Variants in SOCS5 observed in about 807,000 individuals in gnomAD.
The protein encoded by SOCS5 is suppressor of cytokine signaling 5.
A neutral mutation model predicts 42.8 loss-of-function variants in SOCS5; 32 were observed. The ratio of observed to expected loss-of-function variants is 0.75; its 90% CI spans 0.56 to 1.01. The LOEUF (loss-of-function observed/expected upper bound fraction) is 1.01. Ranked by LOEUF, SOCS5 falls within the 50% of genes least tolerant of loss-of-function variation. The probability of loss-of-function intolerance (pLI) is 0.00; values close to 1 mark genes in which losing one functional copy is unlikely to be tolerated. For synonymous variants in SOCS5, 283 were observed against 229.6 expected, an observed-to-expected ratio of 1.23 and a Z score of -2.10; for missense variants, 627 against 653.0, an observed-to-expected ratio of 0.96 and a Z score of 0.43.
At chr2:46,751,911 A>T (rs1010575288) in intron 1 of SOCS5, among the ~76,000 whole-genome samples, 1 of 152,238 alleles carries the variant, frequency 6.6e-6, no homozygotes, top group Non-Finnish European at 1.5e-5. Context: ...CAGAAGAATA[A>T]TATTTTGTGA....
rs911464757 is a variant in SOCS5 at position 46,699,657 on chromosome 2, T to A, written c.-13+208T>A. 6.6e-6 allele frequency among the ~76,000 whole-genome samples: 1 copy of A among 152,130 alleles called. No individual in the cohort carries two copies. The highest frequency in any genetic ancestry group is 1.5e-5 in the Non-Finnish European group (1 of 68,006). On this transcript the variant is annotated intron_variant, in intron 1 of 1. Coordinates refer to ENST00000394861, the MANE Select transcript of SOCS5 (RefSeq NM_144949.3). The surrounding 1 kb of genome is among the most constrained non-coding windows in gnomAD (Gnocchi z 4.8). ...CTGCTAGCCCGGGCCGCGAGCCCCGTGCAGACCACGCCGCTCACAGTGGGA... is the reference window on the plus strand; with the variant it reads ...CTGCTAGCCCGGGCCGCGAGCCCCGAGCAGACCACGCCGCTCACAGTGGGA...
chr2:46,750,536 C>T (rs1360071206), intron 1 of SOCS5, among the ~76,000 whole-genome samples: 1 of 152,026 alleles, frequency 6.6e-6, no homozygotes, highest in Non-Finnish European at 1.5e-5. Flanking sequence ...AACTCCATCC[C>T]TTGAAATTAG....
intron 1 of SOCS5, among the ~76,000 whole-genome samples, chr2:46,726,332 G>C (rs982470911): frequency 2.0e-5 from 3 of 152,018 alleles, no homozygotes; most frequent in African/African-American, 4.8e-5. Context: ...TCCTAACCTT[G>C]TGATCCACCC....
chr2:46,741,169 C>A (rs776256155), intron 1 of SOCS5, among the ~76,000 whole-genome samples: 11 of 152,130 alleles, frequency 7.2e-5, no homozygotes, highest in Non-Finnish European at 1.5e-4. Context: ...TTATTCATTT[C>A]TTCTGCATTT....
intron 1 of SOCS5, among the ~76,000 whole-genome samples, chr2:46,707,883 C>T (rs1672533102): frequency 6.6e-6 from 1 of 152,182 alleles, no homozygotes; most frequent in South Asian, 2.1e-4. Context: ...CTTAGCCTAG[C>T]CTACCTTAAA....
intron 1 of SOCS5, among the ~76,000 whole-genome samples, chr2:46,701,608 C>T (rs929342628): frequency 2.0e-5 from 3 of 151,712 alleles, no homozygotes; most frequent in Middle Eastern, 3.2e-3. Context: ...GATTTGTTCC[C>T]TTCTAAGGAT....
intron 1 of SOCS5, among the ~76,000 whole-genome samples, chr2:46,722,881 G>T (rs1027908527): frequency 6.6e-6 from 1 of 151,870 alleles, no homozygotes; most frequent in African/African-American, 2.4e-5. Flanking sequence ...ATGTCATTTT[G>T]GCTTTAATTT....
rs747624486 is a variant in SOCS5, at chr2:46,758,978, C to G, written c.448C>G (p.Gln150Glu). 6 of 1,613,906 alleles carry G rather than the reference C, an allele frequency of 3.7e-6. No individual in the cohort carries two copies. The highest frequency in any genetic ancestry group is 3.3e-5 in the Admixed American group (2 of 60,018). The stretch of plus-strand genomic sequence containing the variant: ...GTTTGGTAGAACTCGAAGTGGACTT[C>G]AAAGGAGAGAGAGGCGCTACGGCGT... ...KKFGRTRSGLQRRERRYGVSS... is the reference protein window; with the variant it reads ...KKFGRTRSGLERRERRYGVSS... The change falls in exon 2 of 2, where the codon CAA becomes GAA. Residue 150 changes from glutamine (Q) to glutamate (E), a missense_variant. Gln to Glu is a conservative substitution (Grantham distance 29). Transcript: ENST00000394861.
At chr2:46,739,651 C>T (rs1042661128) in intron 1 of SOCS5, among the ~76,000 whole-genome samples, 4 of 152,272 alleles carry the variant, frequency 2.6e-5, no homozygotes, top group East Asian at 3.9e-4. Flanking sequence ...CCCACCCCAT[C>T]GCATCCCCCA....
intron 1 of SOCS5, among the ~76,000 whole-genome samples, chr2:46,727,834 C>G (rs1414242530): frequency 1.3e-5 from 2 of 152,128 alleles, no homozygotes; most frequent in Non-Finnish European, 2.9e-5. Context: ...TTTCTGCTGC[C>G]GACCTCTTTT....
At chr2:46,702,200 G>A (rs1672360726) in intron 1 of SOCS5, among the ~76,000 whole-genome samples, 1 of 152,126 alleles carries the variant, frequency 6.6e-6, no homozygotes, top group South Asian at 2.1e-4. Flanking sequence ...TCTGTGGTTC[G>A]TTAGATGTAA....
At chr2:46,701,648 A>G (rs1672346262) in intron 1 of SOCS5, among the ~76,000 whole-genome samples, 1 of 151,622 alleles carries the variant, frequency 6.6e-6, no homozygotes, top group Non-Finnish European at 1.5e-5. Flanking sequence ...ACTTTTATCC[A>G]TGAAATTTTG....
rs1379845971 is a variant in SOCS5 at position 46,760,340 on chromosome 2, G to T, written c.*199G>T. Reference sequence around the variant, plus strand: ...TGGAACAATAGCGGATAGAGCTACAGGTGTTCAGTAAGACTACAAAAACAT... The same window carrying T: ...TGGAACAATAGCGGATAGAGCTACATGTGTTCAGTAAGACTACAAAAACAT... On this transcript the variant is annotated 3_prime_UTR_variant, in exon 2 of 2. Transcript: ENST00000394861. 1.5e-5 allele frequency: 8 copies of T among 528,824 alleles called. No individual in the cohort carries two copies. The highest frequency in any genetic ancestry group is 1.9e-5 in the African/African-American group (1 of 52,014). The allele number at this position is 528,824 out of a possible 1,614,324, so 32.8% of individuals were successfully genotyped here. A position where few individuals can be genotyped will look rare whatever the true frequency, so the allele number is the denominator to read the frequency against.
At chr2:46,706,078 A>G (rs1672457418) in intron 1 of SOCS5, among the ~76,000 whole-genome samples, 1 of 152,228 alleles carries the variant, frequency 6.6e-6, no homozygotes, top group South Asian at 2.1e-4. Context: ...ATTGTTGGGC[A>G]TGGTTCTGAA....
chr2:46,744,077 C>G (rs946014020), intron 1 of SOCS5, among the ~76,000 whole-genome samples: 8 of 152,180 alleles, frequency 5.3e-5, no homozygotes, highest in East Asian at 3.9e-4. Flanking sequence ...GCAACCTCCC[C>G]CTCCTGGGTT....
At chr2:46,729,597 T>C (rs1232087004) in intron 1 of SOCS5, among the ~76,000 whole-genome samples, 1 of 152,182 alleles carries the variant, frequency 6.6e-6, no homozygotes. Context: ...AAAAATACAG[T>C]ATAAAATATT....
At chr2:46,728,116 G>A (rs1410638933) in intron 1 of SOCS5, among the ~76,000 whole-genome samples, 6 of 152,110 alleles carry the variant, frequency 3.9e-5, no homozygotes, top group African/African-American at 1.4e-4. Context: ...CTGGATCTCT[G>A]CATTGATTTC....
intron 1 of SOCS5, among the ~76,000 whole-genome samples, chr2:46,710,004 G>A (rs1173436878): frequency 1.3e-5 from 2 of 151,992 alleles, no homozygotes; most frequent in Non-Finnish European, 2.9e-5. Flanking sequence ...TTGAATTCTG[G>A]TTCAGTAAAA....
At chr2:46,726,839 C>T (rs1336919851) in intron 1 of SOCS5, among the ~76,000 whole-genome samples, 7 of 151,530 alleles carry the variant, frequency 4.6e-5, no homozygotes, top group Non-Finnish European at 7.4e-5. Flanking sequence ...TCACTGTAAC[C>T]TCTGCCTCCT....
Sources: gnomAD v4.1 joint callset for allele counts (sites outside exome capture counted in the v4.1 genomes callset) on GRCh38, gnomAD v4.1.1 for gene constraint, Gnocchi (gnomAD v3.1) non-coding constraint, MANE v1.5 for transcripts, NCBI Gene and HGNC (gene_info 2026-07-23, HGNC 2026-07-21) for gene names.